Variants in EYA2 observed in about 807,000 individuals in gnomAD.
The protein encoded by EYA2 is protein phosphatase EYA2.
In EYA2, 31 loss-of-function variants were observed where a neutral mutation model predicts 69.2. That is an observed-to-expected ratio of 0.45 (90% confidence interval 0.34 to 0.60). The LOEUF is 0.60. Among genes scored for constraint, EYA2 ranks in the 20% least tolerant of loss-of-function variants. The probability of loss-of-function intolerance (pLI) is 0.02; values close to 1 mark genes in which losing one functional copy is unlikely to be tolerated. For missense variants in EYA2, 622 were observed against 701.2 expected (o/e 0.89, Z 1.28); for synonymous variants, 257 against 279.4 (o/e 0.92, Z 0.80).
chr20:47,031,411 A>G (rs982076627), intron 5 of EYA2, among the ~76,000 whole-genome samples: 5 of 152,308 alleles, frequency 3.3e-5, no homozygotes, highest in African/African-American at 1.2e-4. Flanking sequence ...TGAGTGGACT[A>G]TGGGGGGATG....
intron 1 of EYA2, among the ~76,000 whole-genome samples, chr20:46,934,491 C>T (rs1985820908): frequency 1.3e-5 from 2 of 152,132 alleles, no homozygotes; most frequent in African/African-American, 2.4e-5. Flanking sequence ...CCAGTTAGGT[C>T]GTGGGCACAT....
At chr20:46,929,243 T>C (rs1415878851) in intron 1 of EYA2, among the ~76,000 whole-genome samples, 1 of 151,906 alleles carries the variant, frequency 6.6e-6, no homozygotes, top group African/African-American at 2.4e-5. Context: ...AAACTAACTT[T>C]GGAAGGATTT....
At chr20:47,084,286 A>G (rs1033525521) in intron 7 of EYA2, among the ~76,000 whole-genome samples, 4 of 152,164 alleles carry the variant, frequency 2.6e-5, no homozygotes, top group African/African-American at 9.7e-5. Context: ...CACGCCTCTA[A>G]TCCCAGCACT....
intron 7 of EYA2, among the ~76,000 whole-genome samples, chr20:47,082,358 T>C (rs946703966): frequency 3.9e-5 from 6 of 151,992 alleles, no homozygotes; most frequent in African/African-American, 1.5e-4. Context: ...GAAAATCTGA[T>C]GGAATCTATG....
chr20:47,106,010 G>C (rs891109261), intron 9 of EYA2, among the ~76,000 whole-genome samples: 2 of 152,214 alleles, frequency 1.3e-5, no homozygotes, highest in African/African-American at 4.8e-5. Context: ...CCTCTCCACA[G>C]GGCAGGTTTA....
chr20:46,968,985 T>C (rs920362733), intron 1 of EYA2, among the ~76,000 whole-genome samples: 1 of 152,230 alleles, frequency 6.6e-6, no homozygotes, highest in Non-Finnish European at 1.5e-5. Context: ...CTAACAGTGC[T>C]GAGTGCATAA....
At chr20:47,185,328 T>C (rs2034618329) in intron 15 of EYA2, among the ~76,000 whole-genome samples, 1 of 113,168 alleles carries the variant, frequency 8.8e-6, no homozygotes, top group East Asian at 3.1e-4. Flanking sequence ...TGAGACAGAA[T>C]CTCACTGTGT....
At chr20:47,031,157 G>A (rs1984388356) in intron 5 of EYA2, among the ~76,000 whole-genome samples, 1 of 152,200 alleles carries the variant, frequency 6.6e-6, no homozygotes, top group Non-Finnish European at 1.5e-5. Context: ...ATGTAACAAA[G>A]AGAAACCAGG....
intron 1 of EYA2, among the ~76,000 whole-genome samples, chr20:46,948,993 T>C (rs1416087529): frequency 6.6e-6 from 1 of 152,202 alleles, no homozygotes; most frequent in Non-Finnish European, 1.5e-5. Context: ...AGGAGGTGGG[T>C]GCTAATGTTA....
chr20:47,093,338 A>AG (rs1456692378), intron 8 of EYA2, among the ~76,000 whole-genome samples: 1 of 152,192 alleles, frequency 6.6e-6, no homozygotes, highest in Non-Finnish European at 1.5e-5. Flanking sequence ...CTGAAGTCCG[A>AG]GGGGAGTGGG....
At chr20:47,162,313 C>T (rs1390069007) in intron 10 of EYA2, among the ~76,000 whole-genome samples, 4 of 152,124 alleles carry the variant, frequency 2.6e-5, no homozygotes, top group African/African-American at 9.7e-5. Flanking sequence ...CTACACTCCT[C>T]TCTGCCTCGT....
chr20:47,097,175 A>T lies in EYA2; in HGVS notation c.888+7A>T. The stretch of plus-strand genomic sequence containing the variant: ...TGCATCCAGATACGGGAAGGTAAGA[A>T]TCCATTTTGTCTCTCTCTCTCTTTT... On this transcript the variant is annotated splice_region_variant and intron_variant, in intron 9 of 15. Transcript: ENST00000327619. 6.3e-7 allele frequency: 1 copy of T among 1,599,100 alleles called. No individual in the cohort carries two copies. Among genetic ancestry groups the T allele is most frequent in the South Asian group, 1.1e-5 (1 of 89,060 alleles).
intron 7 of EYA2, among the ~76,000 whole-genome samples, chr20:47,078,329 GCGCACACACACA>G (rs1301846119): frequency 8.6e-6 from 1 of 116,068 alleles, no homozygotes; most frequent in Non-Finnish European, 2.0e-5. Flanking sequence ...GCGCGCGCGC[GCGCACACACACA>G]CACACACACA....
intron 5 of EYA2, among the ~76,000 whole-genome samples, chr20:47,069,445 C>T (rs140157016): frequency 1.2e-3 from 181 of 152,192 alleles, no homozygotes; most frequent in Middle Eastern, 3.4e-3. Flanking sequence ...GCCTAGATTG[C>T]GCCTCTGCAC....
chr20:46,911,253 G>A (rs573811584), intron 1 of EYA2, among the ~76,000 whole-genome samples: 55 of 152,082 alleles, frequency 3.6e-4, no homozygotes, highest in Non-Finnish European at 7.5e-4. Context: ...GTGTGTGTGT[G>A]TGTGTGTGTC....
chr20:47,006,567 T>TA (rs1233436560), intron 4 of EYA2, among the ~76,000 whole-genome samples: 3 of 152,242 alleles, frequency 2.0e-5, no homozygotes, highest in African/African-American at 4.8e-5. Flanking sequence ...GGCTGACTCT[T>TA]ACATTTCTTT....
chr20:47,041,839 T>C (rs1985088136), intron 5 of EYA2, among the ~76,000 whole-genome samples: 1 of 142,344 alleles, frequency 7.0e-6, no homozygotes, highest in African/African-American at 3.0e-5. Context: ...TATTATTTGA[T>C]TTTTTTTTTA....
chr20:46,898,971 T>C (rs1983955971), intron 1 of EYA2, among the ~76,000 whole-genome samples: 1 of 152,250 alleles, frequency 6.6e-6, no homozygotes. Context: ...TGTTTAATAG[T>C]AATGATGAAA....
chr20:47,158,625 T>C (rs1278744856), intron 10 of EYA2, among the ~76,000 whole-genome samples: 1 of 151,888 alleles, frequency 6.6e-6, no homozygotes, highest in Non-Finnish European at 1.5e-5. Flanking sequence ...AATACCACGC[T>C]GCAAGAAAAA....
Sources: allele counts gnomAD v4.1 joint callset (sites outside exome capture counted in the v4.1 genomes callset), GRCh38; gene constraint gnomAD v4.1.1; transcripts MANE v1.5; gene names NCBI Gene and HGNC (gene_info 2026-07-23, HGNC 2026-07-21).